The following FAF1 variants were observed in gnomAD, a reference collection of about 807,000 sequenced individuals.
The protein encoded by FAF1 is Fas associated factor 1.
A neutral mutation model predicts 92.5 loss-of-function variants in FAF1; 25 were observed. That is an observed-to-expected ratio of 0.27 (90% confidence interval 0.20 to 0.38). The LOEUF is 0.38. Ranked by LOEUF, FAF1 falls within the 10% of genes least tolerant of loss-of-function variation. The probability of loss-of-function intolerance (pLI) is 1.00; values close to 1 mark genes in which losing one functional copy is unlikely to be tolerated. For synonymous variants in FAF1, 234 were observed against 273.2 expected (o/e 0.86, Z 1.42); for missense variants, 636 against 793.3 (o/e 0.80, Z 2.38).
intron 1 of FAF1, among the ~76,000 whole-genome samples, chr1:50,875,284 A>G (rs1359198005): frequency 3.3e-5 from 5 of 152,052 alleles, no homozygotes; most frequent in Non-Finnish European, 7.4e-5. Context: ...AATTAACAAA[A>G]ATTGAATATA....
chr1:50,631,968 A>G (rs554242682), intron 8 of FAF1, among the ~76,000 whole-genome samples: 1 of 152,352 alleles, frequency 6.6e-6, no homozygotes, highest in Admixed American at 6.5e-5. Flanking sequence ...TGCCTAATTT[A>G]CAAATTAAAC....
At chr1:50,713,982 A>G (rs1658064367) in intron 6 of FAF1, among the ~76,000 whole-genome samples, 1 of 150,448 alleles carries the variant, frequency 6.6e-6, no homozygotes, top group Admixed American at 6.6e-5. Flanking sequence ...CATCTTGGCC[A>G]GGCTGGTCTG....
At chr1:50,870,265 T>A (rs932388063) in intron 1 of FAF1, among the ~76,000 whole-genome samples, 3 of 152,198 alleles carry the variant, frequency 2.0e-5, no homozygotes, top group African/African-American at 7.2e-5. Context: ...AAGACCAGCC[T>A]GGGCAACACA....
At chr1:50,901,067 C>CA (rs981219060) in intron 1 of FAF1, among the ~76,000 whole-genome samples, 2 of 152,066 alleles carry the variant, frequency 1.3e-5, no homozygotes, top group Non-Finnish European at 2.9e-5. Flanking sequence ...GGAAGTATTT[C>CA]AAAATGTATT....
intron 4 of FAF1, among the ~76,000 whole-genome samples, chr1:50,753,757 C>CTT (rs58567132): frequency 2.0e-4 from 26 of 130,550 alleles, no homozygotes; most frequent in African/African-American, 3.1e-4. Context: ...ATTATCTGTT[C>CTT]TTTTTTTTTT....
At chr1:50,503,504 C>G (rs1647017110) in intron 15 of FAF1, among the ~76,000 whole-genome samples, 1 of 151,512 alleles carries the variant, frequency 6.6e-6, no homozygotes, top group African/African-American at 2.4e-5. Context: ...GTCTGTAGTC[C>G]CAGCTATAGG....
intron 1 of FAF1, among the ~76,000 whole-genome samples, chr1:50,865,428 G>A (rs1255867753): frequency 2.7e-5 from 4 of 147,812 alleles, no homozygotes; most frequent in African/African-American, 1.0e-4. Flanking sequence ...GCAAAGACTT[G>A]GAACCAACCC....
At chr1:50,939,395 G>A (rs917614423) in intron 1 of FAF1, among the ~76,000 whole-genome samples, 2 of 152,164 alleles carry the variant, frequency 1.3e-5, no homozygotes, top group African/African-American at 4.8e-5. Flanking sequence ...AAATGCTACT[G>A]GATTTTTGTA....
intron 2 of FAF1, among the ~76,000 whole-genome samples, chr1:50,815,973 G>A (rs1377586688): frequency 1.3e-5 from 2 of 151,014 alleles, no homozygotes; most frequent in African/African-American, 2.4e-5. Flanking sequence ...GTTGCAGTGA[G>A]CTGAGATCAA....
chr1:50,569,225 T>C (rs1323984176), intron 12 of FAF1, among the ~76,000 whole-genome samples: 2 of 152,160 alleles, frequency 1.3e-5, no homozygotes, highest in Non-Finnish European at 2.9e-5. Flanking sequence ...AAGAGCTTCC[T>C]TTCCTGGGCC....
chr1:50,591,079 C>T (rs1651480519), intron 9 of FAF1, among the ~76,000 whole-genome samples: 1 of 151,720 alleles, frequency 6.6e-6, no homozygotes, highest in Middle Eastern at 3.2e-3. Flanking sequence ...ATGATGTTTG[C>T]TGTGAGTTTT....
At chr1:50,828,411 G>C (rs889669000) in intron 2 of FAF1, among the ~76,000 whole-genome samples, 2 of 152,074 alleles carry the variant, frequency 1.3e-5, no homozygotes, top group Admixed American at 1.3e-4. Context: ...TGGGACTACA[G>C]GCGCCCGCCA....
chr1:50,661,267 T>C (rs889928608), intron 7 of FAF1, among the ~76,000 whole-genome samples: 8 of 152,196 alleles, frequency 5.3e-5, no homozygotes, highest in African/African-American at 7.2e-5. Flanking sequence ...ATCAATCTAA[T>C]GTCATCAAAG....
At position 50,945,252 on chromosome 1, in the gene FAF1, C is replaced by T. The variant is rs756148811; in HGVS notation, c.45+14515G>A. Reference sequence around the variant, plus strand: ...AGATTGGTTTCTAGGGTCACGATGGCGTGGCCAGAGCCAGCTGATTGGACT... The same window carrying T: ...AGATTGGTTTCTAGGGTCACGATGGTGTGGCCAGAGCCAGCTGATTGGACT... On this transcript the variant is annotated intron_variant, in intron 1 of 18. Transcript: ENST00000396153. Among the ~76,000 whole-genome samples the T allele has an allele frequency of 9.9e-5, 15 of 152,004 alleles. No individual in the cohort carries two copies. In the South Asian group the frequency reaches 1.2e-3, roughly 13 times the overall value.
At chr1:50,850,105 T>G (rs1302054293) in intron 2 of FAF1, among the ~76,000 whole-genome samples, 1 of 151,696 alleles carries the variant, frequency 6.6e-6, no homozygotes, top group East Asian at 1.9e-4. Context: ...ATTTGGATAG[T>G]TCCTGAAGGG....
chr1:50,532,725 A>T (rs1276223948), intron 15 of FAF1, among the ~76,000 whole-genome samples: 2 of 152,172 alleles, frequency 1.3e-5, no homozygotes, highest in Non-Finnish European at 2.9e-5. Flanking sequence ...AACTCTATAA[A>T]CTAATTACAG....
chr1:50,895,014 A>G (rs1483198026), intron 1 of FAF1, among the ~76,000 whole-genome samples: 4 of 152,184 alleles, frequency 2.6e-5, no homozygotes, highest in Admixed American at 6.5e-5. Context: ...TTAGTAGAAG[A>G]AGAGAAATAA....
chr1:50,805,649 A>G (rs2124598126), intron 2 of FAF1, among the ~76,000 whole-genome samples: 1 of 152,306 alleles, frequency 6.6e-6, no homozygotes, highest in Non-Finnish European at 1.5e-5. Flanking sequence ...CATACCCTAC[A>G]TGGAATGCTA....
intron 6 of FAF1, among the ~76,000 whole-genome samples, chr1:50,732,044 A>G (rs961229302): frequency 2.6e-5 from 4 of 152,002 alleles, no homozygotes; most frequent in African/African-American, 9.6e-5. Flanking sequence ...GCTGACAAAG[A>G]TGTATTGCTA....
Sources: allele counts gnomAD v4.1 joint callset (sites outside exome capture counted in the v4.1 genomes callset), GRCh38; gene constraint gnomAD v4.1.1; transcripts MANE v1.5; gene names NCBI Gene and HGNC (gene_info 2026-07-23, HGNC 2026-07-21).